EMC2: variants seen among roughly 807,000 people sequenced by gnomAD.
EMC2 encodes the protein ER membrane protein complex subunit 2, also known as TPR repeat protein 35.
Under a neutral mutation model 51.6 loss-of-function variants are expected in EMC2, and 37 were observed. That is an observed-to-expected ratio of 0.72 (90% CI 0.55 to 0.94). The LOEUF is 0.94. Among genes scored for constraint, EMC2 ranks in the 40% least tolerant of loss-of-function variants. The pLI, the probability that EMC2 is intolerant of heterozygous loss-of-function variation, is 0.00. For synonymous variants in EMC2, 131 were observed against 112.4 expected (o/e 1.17, Z -1.04); for missense variants, 359 against 350.9 (o/e 1.02, Z -0.18).
At chr8:108,449,018 C>T (rs1199917628) in intron 1 of EMC2, among the ~76,000 whole-genome samples, 2 of 152,128 alleles carry the variant, frequency 1.3e-5, no homozygotes, top group Non-Finnish European at 2.9e-5. Context: ...ACTTCTTATA[C>T]ACTCATTTCC....
chr8:108,449,163 G>T (rs1307586395), intron 1 of EMC2, among the ~76,000 whole-genome samples: 1 of 152,134 alleles, frequency 6.6e-6, no homozygotes, highest in Non-Finnish European at 1.5e-5. Flanking sequence ...GCTCAGACTG[G>T]AGTGCAGTGG....
intron 5 of EMC2, among the ~76,000 whole-genome samples, chr8:108,462,574 A>G (rs1264681184): frequency 6.6e-6 from 1 of 152,156 alleles, no homozygotes; most frequent in East Asian, 1.9e-4. Context: ...AAGGCTTTTT[A>G]TTCATCTGTA....
chr8:108,450,002 CTG>C (rs940691943), intron 2 of EMC2, 66 bp downstream of exon 2: 8 of 544,296 alleles, frequency 1.5e-5, no homozygotes, highest in Non-Finnish European at 2.2e-5. Flanking sequence ...TTTTTTTTAA[CTG>C]TTCTTTCATT....
At chr8:108,446,884 A>C (rs1818889358) in intron 1 of EMC2, among the ~76,000 whole-genome samples, 2 of 152,120 alleles carry the variant, frequency 1.3e-5, no homozygotes, top group South Asian at 4.1e-4. Context: ...GTATAGCTTA[A>C]GGTGTTTATA....
intron 3 of EMC2, among the ~76,000 whole-genome samples, chr8:108,451,963 G>A (rs1453198151): frequency 3.3e-5 from 5 of 152,134 alleles, no homozygotes; most frequent in Non-Finnish European, 7.4e-5. Context: ...CTTTGAAGCT[G>A]TATTTCCAAT....
At chr8:108,453,381 A>G (rs967827172) in intron 4 of EMC2, among the ~76,000 whole-genome samples, 1 of 152,002 alleles carries the variant, frequency 6.6e-6, no homozygotes, top group Admixed American at 6.5e-5. Flanking sequence ...AAATTGCGTT[A>G]TTTTACCTTT....
chr8:108,450,882 C>T (rs994247182), intron 3 of EMC2, among the ~76,000 whole-genome samples: 1 of 152,092 alleles, frequency 6.6e-6, no homozygotes, highest in East Asian at 1.9e-4. Flanking sequence ...AAGAAAATCC[C>T]GACGTATAGA....
rs1214485733 is a variant in EMC2 at position 108,488,023 on chromosome 8, G to C, written c.*1425G>C. On this transcript the variant is annotated 3_prime_UTR_variant, in exon 11 of 11. Transcript: ENST00000220853. The stretch of plus-strand genomic sequence containing the variant: ...ATTTGAAATTTACATTTTCTGTAAA[G>C]AAAATAGTGCCTGCACGTTGTTTCA... 6.6e-6 allele frequency among the ~76,000 whole-genome samples: 1 copy of C among 152,206 alleles called. No individual in the cohort carries two copies. Among genetic ancestry groups the C allele is most frequent in the East Asian group, 1.9e-4 (1 of 5,178 alleles).
intron 7 of EMC2, among the ~76,000 whole-genome samples, chr8:108,472,762 G>A (rs1184945736): frequency 1.3e-5 from 2 of 151,942 alleles, no homozygotes; most frequent in East Asian, 1.9e-4. Flanking sequence ...TGGCAAAAAC[G>A]TAGCAGTTTC....
chr8:108,484,312 A>G (rs186811375), intron 10 of EMC2, among the ~76,000 whole-genome samples: 1 of 152,110 alleles, frequency 6.6e-6, no homozygotes, highest in African/African-American at 2.4e-5. Flanking sequence ...TTGCCATACA[A>G]TTCTGGAATA....
intron 10 of EMC2, among the ~76,000 whole-genome samples, chr8:108,480,331 A>G (rs1023087205): frequency 6.6e-6 from 1 of 152,062 alleles, no homozygotes; most frequent in Non-Finnish European, 1.5e-5. Context: ...TTCCTGGACT[A>G]TTAGGAGACA....
intron 3 of EMC2, among the ~76,000 whole-genome samples, chr8:108,452,246 C>A (rs1262470277): frequency 1.3e-5 from 2 of 152,140 alleles, no homozygotes; most frequent in Non-Finnish European, 2.9e-5. Context: ...TATTTTCTGA[C>A]CCCAAATCAG....
At chr8:108,476,012 C>T (rs758260958) in intron 8 of EMC2, 49 bp downstream of exon 8, 9 of 1,029,204 alleles carry the variant, frequency 8.7e-6, no homozygotes, top group Middle Eastern at 2.1e-4. Flanking sequence ...GGTTACTATT[C>T]GGTGTTATTA....
intron 4 of EMC2, 86 bp from the exon 5 acceptor site, chr8:108,455,787 G>A (rs1023603260): frequency 2.0e-6 from 1 of 512,386 alleles, no homozygotes; most frequent in Non-Finnish European, 3.5e-6. Context: ...AAATATTAAA[G>A]CCAGTTTAAT....
intron 1 of EMC2, among the ~76,000 whole-genome samples, 196 bp downstream of exon 1, chr8:108,443,894 G>T (rs1563688176): frequency 6.6e-6 from 1 of 152,184 alleles, no homozygotes; most frequent in South Asian, 2.1e-4. Flanking sequence ...CGTTTCCCAC[G>T]GTGTCTGCTC....
At chr8:108,462,463 A>G (rs193207799) in intron 5 of EMC2, among the ~76,000 whole-genome samples, 2 of 152,262 alleles carry the variant, frequency 1.3e-5, no homozygotes, top group African/African-American at 4.8e-5. Context: ...ACAGTTTTTC[A>G]GTGGATGTCA....
chr8:108,455,657 A>G (rs1213658675), intron 4 of EMC2, among the ~76,000 whole-genome samples: 1 of 152,166 alleles, frequency 6.6e-6, no homozygotes, highest in Non-Finnish European at 1.5e-5. Context: ...AGTACTATAT[A>G]CATGATTTGC....
intron 1 of EMC2, chr8:108,446,195 G>T: frequency 3.0e-6 from 1 of 328,922 alleles, no homozygotes; most frequent in Non-Finnish European, 6.3e-6. Context: ...AGGCATTTAG[G>T]AAATATTAGT....
chr8:108,458,887 A>G (rs992671379), intron 5 of EMC2, among the ~76,000 whole-genome samples: 1 of 152,190 alleles, frequency 6.6e-6, no homozygotes, highest in African/African-American at 2.4e-5. Context: ...TCAGGCTGCA[A>G]ATTTTCTGAA....
Sources: gnomAD v4.1 joint callset for allele counts (sites outside exome capture counted in the v4.1 genomes callset) on GRCh38, gnomAD v4.1.1 for gene constraint, MANE v1.5 for transcripts, NCBI Gene and HGNC (gene_info 2026-07-23, HGNC 2026-07-21) for gene names.